CLOCK: variants seen among roughly 807,000 people sequenced by gnomAD.
CLOCK encodes clock circadian regulator, also known as circadian locomoter output cycles protein kaput.
A neutral mutation model predicts 118.4 loss-of-function variants in CLOCK; 43 were observed. The observed-to-expected ratio is 0.36, with a 90% CI of 0.28 to 0.47. CLOCK has a LOEUF of 0.47. Ranked by LOEUF, CLOCK falls within the 20% of genes least tolerant of loss-of-function variation. The probability of loss-of-function intolerance (pLI) is 1.00; values close to 1 mark genes in which losing one functional copy is unlikely to be tolerated. For synonymous variants in CLOCK, 326 were observed against 339.2 expected (o/e 0.96, Z 0.43); for missense variants, 846 against 999.9 (o/e 0.85, Z 2.08).
rs1421705283 is a variant in CLOCK at position 55,453,261 on chromosome 4, T to G, written c.1131-132A>C. ...CTATTTGCTATGTGCTACACAAACC[T>G]AAAATATACCTATAATGTCTTAATT... is the stretch of plus-strand genomic sequence containing the variant. On this transcript the variant is annotated intron_variant, in intron 14 of 22. Transcript: ENST00000513440. 2.2e-5 allele frequency: 16 copies of G among 732,118 alleles called. No homozygotes were observed. In the East Asian group the frequency reaches 4.4e-4, roughly 20 times the overall value. 45.4% of individuals were successfully genotyped at this position (732,118 alleles called of 1,614,324 possible).
chr4:55,500,793 G>T lies in CLOCK; in HGVS notation c.-136+9119C>A, dbSNP rs572906247. Among the ~76,000 whole-genome samples the T allele has an allele frequency of 5.3e-5, 8 of 152,292 alleles. No homozygotes were observed. The East Asian group carries it at 1.2e-3, about 22-fold the overall frequency. On this transcript the variant is annotated intron_variant, in intron 2 of 22. Transcript: ENST00000513440. ...ATCTAGAATCATTATTTCATTAGGA[G>T]TATGCACTGTGGTGAGTTTGTAAGC...
intron 1 of CLOCK, among the ~76,000 whole-genome samples, chr4:55,535,736 A>G (rs1730850096): frequency 1.5e-5 from 2 of 136,340 alleles, no homozygotes; most frequent in Non-Finnish European, 1.5e-5. Context: ...GTGATGGGAG[A>G]ATCTTTTTTT....
At chr4:55,474,935 T>C (rs1396497013) in intron 7 of CLOCK, among the ~76,000 whole-genome samples, 1 of 152,224 alleles carries the variant, frequency 6.6e-6, no homozygotes, top group Non-Finnish European at 1.5e-5. Flanking sequence ...GCTAACACAA[T>C]ACCCATTCTG....
intron 6 of CLOCK, among the ~76,000 whole-genome samples, chr4:55,476,608 C>T (rs1726527377): frequency 6.6e-6 from 1 of 152,080 alleles, no homozygotes; most frequent in African/African-American, 2.4e-5. Context: ...AACTTTACTA[C>T]AGTAATATTC....
At chr4:55,519,634 C>A (rs1729736337) in intron 1 of CLOCK, among the ~76,000 whole-genome samples, 1 of 151,820 alleles carries the variant, frequency 6.6e-6, no homozygotes. Context: ...AAAAATTAGC[C>A]GGGCGTGGTG....
intron 18 of CLOCK, among the ~76,000 whole-genome samples, chr4:55,445,582 CTTTTTTTT>C (rs56157186): frequency 0.055 from 3,751 of 68,560 alleles, 236 homozygotes; most frequent in African/African-American, 0.19. Flanking sequence ...TTTCTATATT[CTTTTTTTT>C]TTTTTTTTTT....
At chr4:55,502,554 T>C (rs969589796) in intron 2 of CLOCK, among the ~76,000 whole-genome samples, 2 of 152,104 alleles carry the variant, frequency 1.3e-5, no homozygotes, top group Non-Finnish European at 2.9e-5. Context: ...TAAACCTAAA[T>C]GCAATAGTTG....
intron 8 of CLOCK, among the ~76,000 whole-genome samples, chr4:55,465,319 G>A (rs1485878136): frequency 2.0e-5 from 3 of 152,092 alleles, no homozygotes; most frequent in Non-Finnish European, 2.9e-5. Context: ...TTATCTATGC[G>A]GCTTGATGAT....
chr4:55,508,792 C>T (rs972148969), intron 2 of CLOCK, among the ~76,000 whole-genome samples: 1 of 152,110 alleles, frequency 6.6e-6, no homozygotes, highest in African/African-American at 2.4e-5. Context: ...CGGAGTTTCA[C>T]CGTGTTAGCC....
chr4:55,432,148 C>G lies in CLOCK; in HGVS notation c.*3267G>C, dbSNP rs182464471. ...AGTTACCCCCGGAATTTGGGATGCT[C>G]GAAGGCTAGACCGTAGTATTTACTC... On this transcript the variant is annotated 3_prime_UTR_variant, in exon 23 of 23. Transcript: ENST00000513440. 1 of 152,154 alleles carries G rather than the reference C, an allele frequency of 6.6e-6. No homozygotes were observed. The highest frequency in any genetic ancestry group is 6.5e-5 in the Admixed American group (1 of 15,270). 9.4% of individuals were successfully genotyped at this position (152,154 alleles called of 1,614,324 possible).
At chr4:55,511,583 G>T (rs1295291029) in intron 1 of CLOCK, among the ~76,000 whole-genome samples, 1 of 152,140 alleles carries the variant, frequency 6.6e-6, no homozygotes, top group African/African-American at 2.4e-5. Context: ...CCCCACCAGA[G>T]TGGTACATTT....
intron 1 of CLOCK, among the ~76,000 whole-genome samples, chr4:55,535,495 C>T (rs1560484908): frequency 6.6e-6 from 1 of 151,820 alleles, no homozygotes; most frequent in Non-Finnish European, 1.5e-5. Flanking sequence ...TCACTTGAGC[C>T]CAGGAGTTCA....
intron 8 of CLOCK, among the ~76,000 whole-genome samples, chr4:55,469,269 A>G (rs1337757855): frequency 6.6e-6 from 1 of 151,756 alleles, no homozygotes; most frequent in Non-Finnish European, 1.5e-5. Flanking sequence ...CTAATTTTGT[A>G]TTTTTAGTAG....
intron 1 of CLOCK, chr4:55,545,956 GAACGGAACCCCGGAACCACCACCACT>G (rs1375641021): frequency 1.3e-5 from 2 of 152,192 alleles, no homozygotes; most frequent in Non-Finnish European, 2.9e-5. Flanking sequence ...CGCTGCCTAG[GAACGGAACCCCGGAACCACCACCACT>G]AACGGAACCA....
intron 1 of CLOCK, among the ~76,000 whole-genome samples, chr4:55,536,566 C>T (rs1412190519): frequency 6.6e-6 from 1 of 152,180 alleles, no homozygotes; most frequent in Non-Finnish European, 1.5e-5. Context: ...GCTCTCCCTT[C>T]ACTTTCAGCC....
intron 1 of CLOCK, among the ~76,000 whole-genome samples, chr4:55,523,330 G>A (rs900143556): frequency 7.2e-5 from 11 of 151,828 alleles, no homozygotes; most frequent in Non-Finnish European, 1.3e-4. Flanking sequence ...CAGACAAACG[G>A]ACAAATGTAG....
rs1313217541 is a variant in CLOCK at position 55,479,540 on chromosome 4, A to G, written c.107+100T>C. The G allele has an allele frequency of 4.0e-6, 4 of 998,408 alleles. No homozygotes were observed. The East Asian group carries it at 1.1e-4, about 26-fold the overall frequency. 61.8% of individuals were successfully genotyped at this position (998,408 alleles called of 1,614,324 possible). ...ACCTTGCTAATATATCTAAACTCCTAAAGCACATAGCTTTTGGAAATCATT... is the reference window on the plus strand; with the variant it reads ...ACCTTGCTAATATATCTAAACTCCTGAAGCACATAGCTTTTGGAAATCATT... On this transcript the variant is annotated intron_variant, in intron 5 of 22. Coordinates refer to ENST00000513440, the MANE Select transcript of CLOCK (RefSeq NM_004898.4).
At chr4:55,533,755 T>G (rs1730705455) in intron 1 of CLOCK, among the ~76,000 whole-genome samples, 1 of 151,494 alleles carries the variant, frequency 6.6e-6, no homozygotes, top group Non-Finnish European at 1.5e-5. Context: ...GCACAAAAAT[T>G]AGCCAGGCAT....
chr4:55,441,901 TCA>T (rs1723403066), intron 21 of CLOCK, among the ~76,000 whole-genome samples: 1 of 152,222 alleles, frequency 6.6e-6, no homozygotes, highest in African/African-American at 2.4e-5. Flanking sequence ...AGGTCTGTGT[TCA>T]GAGTTCCCTT....
Sources: gnomAD v4.1 joint callset for allele counts (sites outside exome capture counted in the v4.1 genomes callset) on GRCh38, gnomAD v4.1.1 for gene constraint, MANE v1.5 for transcripts, NCBI Gene and HGNC (gene_info 2026-07-23, HGNC 2026-07-21) for gene names.